GHR: variants seen among roughly 807,000 people sequenced by gnomAD.
The protein encoded by GHR is GH receptor.
Under a neutral mutation model 67.1 loss-of-function variants are expected in GHR, and 35 were observed. The ratio of observed to expected loss-of-function variants is 0.52; its 90% confidence interval spans 0.40 to 0.69. The LOEUF is 0.69. Ranked by LOEUF, GHR falls within the 30% of genes least tolerant of loss-of-function variation. The pLI is 0.00. For missense variants in GHR, 792 were observed against 764.6 expected, an observed-to-expected ratio of 1.04 and a Z score of -0.42; for synonymous variants, 272 against 269.1, an observed-to-expected ratio of 1.01 and a Z score of -0.10.
At chr5:42,715,386 C>T (rs1416787488) in intron 8 of GHR, among the ~76,000 whole-genome samples, 4 of 152,132 alleles carry the variant, frequency 2.6e-5, no homozygotes, top group Non-Finnish European at 4.4e-5. Context: ...TGTAAAGTGG[C>T]GTCAGGTCCT....
At chr5:42,523,998 G>T (rs568452649) in intron 1 of GHR, among the ~76,000 whole-genome samples, 1 of 152,292 alleles carries the variant, frequency 6.6e-6, no homozygotes, top group Admixed American at 6.5e-5. Context: ...GGAACTGTAA[G>T]TCCCATTAAA....
intron 1 of GHR, among the ~76,000 whole-genome samples, chr5:42,434,338 A>T (rs1029172857): frequency 1.3e-5 from 2 of 152,194 alleles, no homozygotes; most frequent in African/African-American, 4.8e-5. Flanking sequence ...AGTTATTATA[A>T]GAACTGGAAA....
chr5:42,647,580 A>C (rs1754804518), intron 3 of GHR: 1 of 412,084 alleles, frequency 2.4e-6, no homozygotes, highest in Non-Finnish European at 4.7e-6. Context: ...TCTCCAAAAA[A>C]AAAAAAAAAA....
At chr5:42,605,889 A>C (rs1001493526) in intron 2 of GHR, among the ~76,000 whole-genome samples, 2 of 152,232 alleles carry the variant, frequency 1.3e-5, no homozygotes, top group African/African-American at 4.8e-5. Context: ...AGCAGCTAGG[A>C]AAGTCAGAAT....
Position 42,480,199 on chromosome 5 carries a change from G to C in GHR, c.-12+56244G>C, listed in dbSNP as rs1391631498. Among the ~76,000 whole-genome samples, 4 of 152,306 alleles carry C rather than the reference G, an allele frequency of 2.6e-5. No individual in the cohort carries two copies. In the South Asian group the frequency reaches 6.2e-4, roughly 24 times the overall value. On this transcript the variant is annotated intron_variant, in intron 1 of 9. Coordinates refer to ENST00000230882, the MANE Select transcript of GHR (RefSeq NM_000163.5). The stretch of plus-strand genomic sequence containing the variant: ...AGTTTCCATGTAGTAGAGCGGTTTT[G>C]AGTGAGTTTCTTAATCCTGAGTTCT...
At chr5:42,705,437 G>A (rs1211094022) in intron 6 of GHR, among the ~76,000 whole-genome samples, 1 of 151,880 alleles carries the variant, frequency 6.6e-6, no homozygotes, top group African/African-American at 2.4e-5. Flanking sequence ...AGAGATACAT[G>A]TGCACGTTTG....
At chr5:42,544,867 A>G (rs1748669063) in intron 1 of GHR, among the ~76,000 whole-genome samples, 1 of 152,204 alleles carries the variant, frequency 6.6e-6, no homozygotes, top group African/African-American at 2.4e-5. Flanking sequence ...ATGTCCTATA[A>G]AAGATATATG....
At chr5:42,653,189 G>T (rs1755093157) in intron 3 of GHR, among the ~76,000 whole-genome samples, 2 of 152,084 alleles carry the variant, frequency 1.3e-5, no homozygotes, top group Admixed American at 1.3e-4. Context: ...AATAGTAGCA[G>T]AATTTCCTGA....
intron 1 of GHR, among the ~76,000 whole-genome samples, chr5:42,454,637 G>A (rs1230833308): frequency 2.0e-5 from 3 of 152,184 alleles, no homozygotes; most frequent in Non-Finnish European, 4.4e-5. Flanking sequence ...CACCAGGGAA[G>A]TGGAGAATAG....
At chr5:42,581,538 G>T (rs1579989242) in intron 2 of GHR, among the ~76,000 whole-genome samples, 1 of 152,190 alleles carries the variant, frequency 6.6e-6, no homozygotes, top group Non-Finnish European at 1.5e-5. Context: ...AAGTTGGAAG[G>T]GACCTCAGAG....
At chr5:42,656,980 G>T (rs1388484933) in intron 3 of GHR, among the ~76,000 whole-genome samples, 1 of 152,060 alleles carries the variant, frequency 6.6e-6, no homozygotes, top group Non-Finnish European at 1.5e-5. Context: ...AAAATGCCTA[G>T]TCAGGGACCT....
intron 1 of GHR, among the ~76,000 whole-genome samples, chr5:42,474,277 AAG>A (rs764639919): frequency 1.4e-4 from 15 of 110,790 alleles, no homozygotes; most frequent in African/African-American, 2.5e-4. Context: ...GAAAGAAAGA[AAG>A]AAAGAAAAAG....
intron 3 of GHR, among the ~76,000 whole-genome samples, chr5:42,631,797 A>G (rs1273515177): frequency 6.6e-6 from 1 of 152,224 alleles, no homozygotes; most frequent in Non-Finnish European, 1.5e-5. Flanking sequence ...AAAATGAAAT[A>G]AAAACCCTGT....
chr5:42,647,069 A>G (rs564542724), intron 3 of GHR, among the ~76,000 whole-genome samples: 1 of 152,332 alleles, frequency 6.6e-6, no homozygotes, highest in South Asian at 2.1e-4. Context: ...TCAGTACACC[A>G]TAAACATATC....
intron 3 of GHR, among the ~76,000 whole-genome samples, chr5:42,653,563 C>A (rs1755110152): frequency 6.6e-6 from 1 of 152,142 alleles, no homozygotes; most frequent in African/African-American, 2.4e-5. Flanking sequence ...CAGTGCATAA[C>A]AACCACACTT....
chr5:42,433,004 C>A (rs555673075), intron 1 of GHR, among the ~76,000 whole-genome samples: 79 of 152,292 alleles, frequency 5.2e-4, no homozygotes, highest in African/African-American at 1.8e-3. Context: ...GTTCATAATG[C>A]AAATTTGCTA....
chr5:42,695,212 T>C (rs1757616714), intron 5 of GHR, 123 bp downstream of exon 5: 1 of 741,536 alleles, frequency 1.3e-6, no homozygotes, highest in South Asian at 1.5e-5. Flanking sequence ...TACATGGAGA[T>C]CTGTTTTACA....
At chr5:42,489,704 A>G (rs1412326062) in intron 1 of GHR, among the ~76,000 whole-genome samples, 1 of 152,206 alleles carries the variant, frequency 6.6e-6, no homozygotes, top group Non-Finnish European at 1.5e-5. Context: ...GATATGAATT[A>G]TCATTGAAGT....
At chr5:42,528,947 C>T (rs552426400) in intron 1 of GHR, among the ~76,000 whole-genome samples, 15 of 151,928 alleles carry the variant, frequency 9.9e-5, no homozygotes, top group African/African-American at 3.6e-4. Context: ...AAAGTATATA[C>T]ATTGTGCTCT....
Sources: allele counts gnomAD v4.1 joint callset (sites outside exome capture counted in the v4.1 genomes callset), GRCh38; gene constraint gnomAD v4.1.1; transcripts MANE v1.5; gene names NCBI Gene and HGNC (gene_info 2026-07-23, HGNC 2026-07-21).